Variants in UBE2V2 observed in about 807,000 individuals in gnomAD.
UBE2V2 encodes the protein ubiquitin-conjugating enzyme E2 variant 2.
A neutral mutation model predicts 17.2 loss-of-function variants in UBE2V2; 9 were observed. The ratio of observed to expected loss-of-function variants is 0.52; its 90% CI spans 0.32 to 0.91. The LOEUF is 0.91. Ranked by LOEUF, UBE2V2 falls within the 40% of genes least tolerant of loss-of-function variation. The pLI is 0.04. For missense variants in UBE2V2, 133 were observed against 182.6 expected (o/e 0.73, Z 1.56); for synonymous variants, 61 against 57.5 (o/e 1.06, Z -0.28).
intron 1 of UBE2V2, among the ~76,000 whole-genome samples, chr8:48,025,625 A>G (rs1239361539): frequency 2.2e-5 from 3 of 137,162 alleles, no homozygotes; most frequent in Non-Finnish European, 4.6e-5. Flanking sequence ...TTTGAGATGG[A>G]GTCTTGCTCT....
chr8:48,001,698 A>C, the UBE2V2 span, among the ~76,000 whole-genome samples: 1 of 152,258 alleles, frequency 6.6e-6, no homozygotes, highest in African/African-American at 2.4e-5. Flanking sequence ...GAATGGGAGA[A>C]AATATTTGCA....
chr8:48,015,926 C>A (rs186092056), intron 1 of UBE2V2, among the ~76,000 whole-genome samples: 18,571 of 133,076 alleles, frequency 0.14, 1,963 homozygotes, highest in African/African-American at 0.29. Context: ...GAGACGGAGT[C>A]TCACTCTGTC....
At chr8:48,010,859 A>G (rs1471136744) in intron 1 of UBE2V2, among the ~76,000 whole-genome samples, 1 of 150,042 alleles carries the variant, frequency 6.7e-6, no homozygotes, top group Non-Finnish European at 1.5e-5. Context: ...CACCACGCCC[A>G]GCAAATTTTT....
chr8:48,014,644 CAAAAAAA>C (rs1179934700), intron 1 of UBE2V2, among the ~76,000 whole-genome samples: 2 of 72,076 alleles, frequency 2.8e-5, no homozygotes, highest in Non-Finnish European at 5.4e-5. Context: ...GACTCTGCCT[CAAAAAAA>C]AAAAAAAAAA....
At chr8:48,034,054 A>G (rs2091403206) in intron 1 of UBE2V2, among the ~76,000 whole-genome samples, 1 of 149,224 alleles carries the variant, frequency 6.7e-6, no homozygotes, top group African/African-American at 2.5e-5. Flanking sequence ...ATAGCTCCCT[A>G]TTTCCTTTCC....
At chr8:48,004,248 T>C (rs1183136431), upstream of UBE2V2, among the ~76,000 whole-genome samples, 1 of 152,146 alleles carries the variant, frequency 6.6e-6, no homozygotes, top group Non-Finnish European at 1.5e-5. Flanking sequence ...GTTTAAGAAA[T>C]ATTGATATTT....
At chr8:48,043,263 A>G in intron 2 of UBE2V2, 82 bp downstream of exon 2, 1 of 1,089,090 alleles carries the variant, frequency 9.2e-7, no homozygotes. Context: ...ATATTAAAAT[A>G]AGCAATTATG....
At chr8:48,047,321 T>C (rs889633864) in intron 2 of UBE2V2, among the ~76,000 whole-genome samples, 6 of 152,190 alleles carry the variant, frequency 3.9e-5, no homozygotes, top group African/African-American at 1.4e-4. Context: ...GTTTTTGTGT[T>C]CAGTTTTCTG....
intron 1 of UBE2V2, among the ~76,000 whole-genome samples, chr8:48,038,680 CA>C (rs2091441117): frequency 6.6e-6 from 1 of 152,018 alleles, no homozygotes; most frequent in Non-Finnish European, 1.5e-5. Flanking sequence ...GGGGTTTCAC[CA>C]TGTTGGCCAG....
chr8:48,051,662 T>A (rs2091539531), intron 3 of UBE2V2, among the ~76,000 whole-genome samples: 2 of 152,156 alleles, frequency 1.3e-5, no homozygotes, highest in Admixed American at 6.5e-5. Context: ...AATTTCCCCT[T>A]CATATAACTG....
At chr8:48,037,621 A>C (rs1400780816) in intron 1 of UBE2V2, among the ~76,000 whole-genome samples, 1 of 152,180 alleles carries the variant, frequency 6.6e-6, no homozygotes, top group Non-Finnish European at 1.5e-5. Flanking sequence ...CTGTGTCTTG[A>C]TGCCCTGCTG....
At chr8:48,020,987 T>C (rs1481562983) in intron 1 of UBE2V2, among the ~76,000 whole-genome samples, 1 of 151,830 alleles carries the variant, frequency 6.6e-6, no homozygotes, top group Admixed American at 6.6e-5. Flanking sequence ...CCTCAAGTGC[T>C]TCTCCCACCT....
At chr8:48,007,162 C>T (rs1000482151), upstream of UBE2V2, among the ~76,000 whole-genome samples, 3 of 151,866 alleles carry the variant, frequency 2.0e-5, no homozygotes, top group African/African-American at 7.3e-5. Flanking sequence ...TGCTGGGATC[C>T]ATGCCCGGCC....
At chr8:48,051,530 C>T (rs758285283) in intron 3 of UBE2V2, among the ~76,000 whole-genome samples, 7 of 152,094 alleles carry the variant, frequency 4.6e-5, no homozygotes, top group African/African-American at 1.2e-4. Flanking sequence ...TTAAAAATCA[C>T]GAGTTTATAC....
chr8:48,000,467 A>C, the UBE2V2 span, among the ~76,000 whole-genome samples: 1 of 152,086 alleles, frequency 6.6e-6, no homozygotes, highest in Non-Finnish European at 1.5e-5. Flanking sequence ...TTGGTAAATT[A>C]TTTTACCACC....
chr8:48,051,562 T>C (rs2154507988), intron 3 of UBE2V2, among the ~76,000 whole-genome samples: 1 of 152,316 alleles, frequency 6.6e-6, no homozygotes, highest in East Asian at 1.9e-4. Context: ...ACTAATTTTA[T>C]TCTAAAACTA....
At chr8:48,023,235 G>C (rs1006765773) in intron 1 of UBE2V2, among the ~76,000 whole-genome samples, 11 of 113,768 alleles carry the variant, frequency 9.7e-5, no homozygotes, top group Non-Finnish European at 3.7e-5. Context: ...TTTTTTTTTT[G>C]AGACAGAGTA....
intron 1 of UBE2V2, among the ~76,000 whole-genome samples, chr8:48,023,643 A>G (rs1465835180): frequency 6.6e-6 from 1 of 151,916 alleles, no homozygotes; most frequent in African/African-American, 2.4e-5. Context: ...AGGCCAAGGC[A>G]GGAGGATCAC....
chr8:48,034,510 A>C (rs1405582704), intron 1 of UBE2V2, among the ~76,000 whole-genome samples: 1 of 152,094 alleles, frequency 6.6e-6, no homozygotes, highest in African/African-American at 2.4e-5. Context: ...TGATGTATAC[A>C]TGAGAGTTTT....
Sources: gnomAD v4.1 joint callset for allele counts (sites outside exome capture counted in the v4.1 genomes callset) on GRCh38, gnomAD v4.1.1 for gene constraint, MANE v1.5 for transcripts, NCBI Gene and HGNC (gene_info 2026-07-23, HGNC 2026-07-21) for gene names.